OR2H1: variants seen among roughly 807,000 people sequenced by gnomAD.
OR2H1 encodes the protein olfactory receptor 2H1.
For missense variants in OR2H1, 380 were observed against 367.3 expected (o/e 1.03, Z -0.28); for synonymous variants, 155 against 155.2 (o/e 1.00, Z 0.01).
Position 29,462,173 on chromosome 6 carries a change from AC to A in OR2H1, c.409del (p.Arg137AlafsTer13). ...CQPLHYATII[H>X]PRLCWQLASV... ...CCCCTCCACTATGCCACCATCATCC[AC>A]CCCCGCCTGTGCTGGCAGCTGGCAT... On this transcript the variant is annotated frameshift_variant, in exon 4 of 4. Coordinates refer to ENST00000377133, the MANE Select transcript of OR2H1 (RefSeq NM_030883.5). LOFTEE classifies it low-confidence loss of function (END_TRUNC). The A allele has an allele frequency of 6.2e-7, 1 of 1,605,180 alleles. No homozygotes were observed.
rs143709174 is a variant in OR2H1, at chr6:29,461,409, G to C, written c.-275-86G>C. On this transcript the variant is annotated intron_variant, in intron 3 of 3. Transcript: ENST00000377133. ...AGAACTACCACAACATTTAGAATAA[G>C]ATAGAGCCTAACAATTTATTGTTGA... 245 of 273,966 alleles carry C rather than the reference G, an allele frequency of 8.9e-4. 6 individuals are homozygous for C. In the South Asian group the frequency reaches 0.012, roughly 13 times the overall value. 17.0% of individuals were successfully genotyped at this position (273,966 alleles called of 1,614,324 possible).
In OR2H1 at chr6:29,462,635, C is replaced by A; in HGVS notation, c.866C>A (p.Thr289Asn). The change falls in exon 4 of 4, where the codon ACC (threonine) becomes AAC (asparagine). Residue 289 changes from threonine (T) to asparagine (N), a missense_variant. Physicochemically the swap from Thr to Asn is moderately conservative, Grantham distance 65. Transcript: ENST00000377133. The stretch of plus-strand genomic sequence containing the variant: ...CCTTCACTTAACCCTCTCGTATACA[C>A]CCTGAGGAACAAGGAGATAAAGCGA... ...GTPSLNPLVY[T>N]LRNKEIKRAL... 1.2e-6 allele frequency: 2 copies of A among 1,613,046 alleles called. No homozygotes were observed. The highest frequency in any genetic ancestry group is 1.1e-5 in the South Asian group (1 of 91,068).
At position 29,464,075 on chromosome 6, in the gene OR2H1, C is replaced by T. The variant is rs1200687387; in HGVS notation, c.*1355C>T. ...CAAGGTTCTTTCTGTCCAGTTGCTCCTTCTTCTATTGACCCTTTTTTGCCT... is the reference window on the plus strand; with the variant it reads ...CAAGGTTCTTTCTGTCCAGTTGCTCTTTCTTCTATTGACCCTTTTTTGCCT... On this transcript the variant is annotated 3_prime_UTR_variant, in exon 4 of 4. Coordinates refer to ENST00000377133, the MANE Select transcript of OR2H1 (RefSeq NM_030883.5). 1 of 167,098 alleles carries T rather than the reference C, an allele frequency of 6.0e-6. No homozygotes were observed. The highest frequency in any genetic ancestry group is 1.5e-5 in the Non-Finnish European group (1 of 68,138). 10.4% of individuals were successfully genotyped at this position (167,098 alleles called of 1,614,324 possible).
chr6:29,462,993 A>C lies in OR2H1; in HGVS notation c.*273A>C. On this transcript the variant is annotated 3_prime_UTR_variant, in exon 4 of 4. Transcript: ENST00000377133. ...TTCTATCCTCCATTCTGTTCTTTTT[A>C]CTGTCATCACTTCTATAGATTTCCT... 1 of 482,548 alleles carries C rather than the reference A, an allele frequency of 2.1e-6. No individual in the cohort carries two copies. The highest frequency in any genetic ancestry group is 3.8e-6 in the Non-Finnish European group (1 of 264,858). 29.9% of individuals were successfully genotyped at this position (482,548 alleles called of 1,614,324 possible).
At position 29,462,344 on chromosome 6, in the gene OR2H1, A is replaced by C. The variant is rs149256872; in HGVS notation, c.575A>C (p.Tyr192Ser). The stretch of plus-strand genomic sequence containing the variant: ...CGACTCTCCTGTGGAGATACCTCCT[A>C]CAATGAAATCCAGTTGGCTGTGTCC... The part of the protein sequence containing the change: ...LIRLSCGDTS[Y>S]NEIQLAVSSV... The change falls in exon 4 of 4, where the codon TAC becomes TCC. Residue 192 changes from tyrosine (Y) to serine (S), a missense_variant. Transcript: ENST00000377133. 1,793 of 1,613,104 alleles carry C rather than the reference A, an allele frequency of 1.1e-3. 4 individuals carry two copies. Among genetic ancestry groups the C allele is most frequent in the Non-Finnish European group, 1.4e-3 (1,649 of 1,180,020 alleles).
At position 29,462,371 on chromosome 6, in the gene OR2H1, G is replaced by C; in HGVS notation, c.602G>C (p.Ser201Thr). 1 of 1,613,148 alleles carries C rather than the reference G, an allele frequency of 6.2e-7. No individual in the cohort carries two copies. The highest frequency in any genetic ancestry group is 1.6e-4 in the Middle Eastern group (1 of 6,062). Reference sequence around the variant, plus strand: ...AATGAAATCCAGTTGGCTGTGTCCAGTGTCATCTTCGTGGTTGTGCCTCTC... The same window carrying C: ...AATGAAATCCAGTTGGCTGTGTCCACTGTCATCTTCGTGGTTGTGCCTCTC... Reference protein sequence around the residue: ...SYNEIQLAVSSVIFVVVPLSL... With the variant: ...SYNEIQLAVSTVIFVVVPLSL... Residue 201 changes from serine to threonine, a missense_variant, in exon 4 of 4, where the codon AGT (serine) becomes ACT (threonine). By Grantham distance (58) the Ser-to-Thr change is moderately conservative. Coordinates refer to ENST00000377133, the MANE Select transcript of OR2H1 (RefSeq NM_030883.5).
At chr6:29,458,674 A>G (rs1336209594) in intron 2 of OR2H1, 105 bp downstream of exon 2, 1 of 152,358 alleles carries the variant, frequency 6.6e-6, no homozygotes, top group Admixed American at 6.5e-5. Context: ...ACTCATTGGC[A>G]GGGTAACCCT....
At chr6:29,458,309 T>C (rs984803636) in intron 1 of OR2H1, 145 bp from the exon 2 acceptor site, 53 of 152,204 alleles carry the variant, frequency 3.5e-4, no homozygotes, top group African/African-American at 1.3e-3. Context: ...GGGAAGGTAA[T>C]AATAGTACCC....
At position 29,462,178 on chromosome 6, in the gene OR2H1, C is replaced by T. The variant is rs141663433; in HGVS notation, c.409C>T (p.Arg137Cys). ...CCACTATGCCACCATCATCCACCCC[C>T]GCCTGTGCTGGCAGCTGGCATCTGT... ...PLHYATIIHP[R>C]LCWQLASVAW... Residue 137 changes from arginine (R) to cysteine (C), a missense_variant, in exon 4 of 4, where the codon CGC becomes TGC. Arg to Cys is a radical substitution (Grantham distance 180). Transcript: ENST00000377133. 153 of 1,613,690 alleles carry T rather than the reference C, an allele frequency of 9.5e-5. No homozygotes were observed. The African/African-American group carries it at 9.7e-4, about 10-fold the overall frequency.
chr6:29,459,080 G>A (rs549888597), intron 2 of OR2H1, among the ~76,000 whole-genome samples: 1 of 152,226 alleles, frequency 6.6e-6, no homozygotes, highest in South Asian at 2.1e-4. Context: ...AGGGTCAAAG[G>A]AAGATATAAA....
chr6:29,462,065 T>C lies in OR2H1; in HGVS notation c.296T>C (p.Leu99Pro), dbSNP rs1222213070. 1 of 1,613,448 alleles carries C rather than the reference T, an allele frequency of 6.2e-7. No homozygotes were observed. The highest frequency in any genetic ancestry group is 8.5e-7 in the Non-Finnish European group (1 of 1,180,044). ...TISFLGCSVQ[L>P]FIFLSLGTTE... is the part of the protein sequence containing the mutation. ...AGCTTCCTGGGATGCTCTGTCCAGCTCTTCATCTTCCTGTCCCTGGGGACC... is the reference window on the plus strand; with the variant it reads ...AGCTTCCTGGGATGCTCTGTCCAGCCCTTCATCTTCCTGTCCCTGGGGACC... Residue 99 changes from leucine to proline, a missense_variant, in exon 4 of 4, where the codon CTC (leucine) becomes CCC (proline). By Grantham distance (98) the Leu-to-Pro change is moderately conservative (BLOSUM62 -3). Coordinates refer to ENST00000377133, the MANE Select transcript of OR2H1 (RefSeq NM_030883.5).
intron 3 of OR2H1, 112 bp downstream of exon 3, chr6:29,460,566 G>A (rs1288354834): frequency 6.6e-6 from 1 of 151,530 alleles, no homozygotes; most frequent in Non-Finnish European, 1.5e-5. Context: ...TAACTGAGCT[G>A]TTTTTACACT....
chr6:29,461,287 C>G (rs1350898514), intron 3 of OR2H1, among the ~76,000 whole-genome samples: 2 of 152,118 alleles, frequency 1.3e-5, no homozygotes, highest in East Asian at 3.8e-4. Flanking sequence ...ACTTATGCCC[C>G]AGAATACAGA....
At position 29,462,388 on chromosome 6, in the gene OR2H1, G is replaced by A; in HGVS notation, c.619G>A (p.Val207Met). ...TGTGTCCAGTGTCATCTTCGTGGTT[G>A]TGCCTCTCAGCCTCATCCTTGCCTC... ...LAVSSVIFVV[V>M]PLSLILASYG... is the part of the protein sequence containing the mutation. Residue 207 changes from valine (V) to methionine (M), a missense_variant, in exon 4 of 4, where the codon GTG becomes ATG. Physicochemically the swap from Val to Met is conservative, Grantham distance 21 (BLOSUM62 1). Transcript: ENST00000377133. 6.2e-7 allele frequency: 1 copy of A among 1,613,104 alleles called. No homozygotes were observed. Among genetic ancestry groups the A allele is most frequent in the Non-Finnish European group, 8.5e-7 (1 of 1,180,034 alleles).
Position 29,462,765 on chromosome 6 carries a change from T to C in OR2H1, c.*45T>C, listed in dbSNP as rs891599838. The C allele has an allele frequency of 6.2e-5, 90 of 1,460,516 alleles. No individual in the cohort carries two copies. Among genetic ancestry groups the C allele is most frequent in the Non-Finnish European group, 8.3e-5 (88 of 1,065,150 alleles). 90.5% of individuals were successfully genotyped at this position (1,460,516 alleles called of 1,614,324 possible). On this transcript the variant is annotated 3_prime_UTR_variant, in exon 4 of 4. Coordinates refer to ENST00000377133, the MANE Select transcript of OR2H1 (RefSeq NM_030883.5). ...AGAGTTTCTTCAAGATTTATGAACATGTTAAGTTTTCCAGACTACTACCCT... is the reference window on the plus strand; with the variant it reads ...AGAGTTTCTTCAAGATTTATGAACACGTTAAGTTTTCCAGACTACTACCCT...
rs763161910 is a variant in OR2H1 at position 29,462,098 on chromosome 6, G to C, written c.329G>C (p.Cys110Ser). Residue 110 changes from cysteine to serine, a missense_variant, in exon 4 of 4, where the codon TGC becomes TCC. By Grantham distance (112) the Cys-to-Ser change is moderately radical. Coordinates refer to ENST00000377133, the MANE Select transcript of OR2H1 (RefSeq NM_030883.5). ...TTCCTGTCCCTGGGGACCACTGAGT[G>C]CATCCTCCTGACAGTGATGGCCTTT... ...FIFLSLGTTE[C>S]ILLTVMAFDR... 5 of 1,613,678 alleles carry C rather than the reference G, an allele frequency of 3.1e-6. No individual in the cohort carries two copies. The highest frequency in any genetic ancestry group is 4.2e-6 in the Non-Finnish European group (5 of 1,180,012).
intron 1 of OR2H1, among the ~76,000 whole-genome samples, chr6:29,457,479 C>A (rs1211060150): frequency 1.3e-5 from 2 of 152,088 alleles, no homozygotes; most frequent in African/African-American, 4.8e-5. Flanking sequence ...ATGTGAAGTT[C>A]TGGAAAAAGC....
At position 29,461,683 on chromosome 6, in the gene OR2H1, C is replaced by A; in HGVS notation, c.-87C>A. 3.7e-6 allele frequency: 4 copies of A among 1,074,168 alleles called. No homozygotes were observed. Among genetic ancestry groups the A allele is most frequent in the Non-Finnish European group, 4.2e-6 (3 of 721,674 alleles). The allele number at this position is 1,074,168 out of a possible 1,614,324, so 66.5% of individuals were successfully genotyped here. ...GAAACACCTACCTGCTGTGACCTCA[C>A]AAACACCCAGGCTGAGTTTTGATAA... On this transcript the variant is annotated 5_prime_UTR_variant, in exon 4 of 4. Transcript: ENST00000377133.
rs374947503 is a variant in OR2H1 at position 29,461,939 on chromosome 6, T to G, written c.170T>G (p.Met57Arg). 2.5e-6 allele frequency: 4 copies of G among 1,612,936 alleles called. No individual in the cohort carries two copies. The African/African-American group carries it at 4.0e-5, about 16-fold the overall frequency. Reference sequence around the variant, plus strand: ...CTGTACCCCAGGCTCCACTCTCCAATGTACTTTTTCCTCTCTGACCTCTCC... The same window carrying G: ...CTGTACCCCAGGCTCCACTCTCCAAGGTACTTTTTCCTCTCTGACCTCTCC... ...SVLYPRLHSP[M>R]YFFLSDLSFL... The change falls in exon 4 of 4, where the codon ATG (methionine) becomes AGG (arginine). Residue 57 changes from methionine (M) to arginine (R), a missense_variant. By Grantham distance (91) the Met-to-Arg change is moderately conservative (BLOSUM62 -1). Coordinates refer to ENST00000377133, the MANE Select transcript of OR2H1 (RefSeq NM_030883.5).
Sources: allele counts gnomAD v4.1 joint callset (sites outside exome capture counted in the v4.1 genomes callset), GRCh38; gene constraint gnomAD v4.1.1; transcripts MANE v1.5; gene names NCBI Gene and HGNC (gene_info 2026-07-23, HGNC 2026-07-21).